BPHL: variants seen among roughly 807,000 people sequenced by gnomAD.
BPHL encodes biphenyl hydrolase like.
In BPHL, 27 loss-of-function variants were observed where a neutral mutation model predicts 31.2. That is an observed-to-expected ratio of 0.87 (90% CI 0.64 to 1.19). The LOEUF (loss-of-function observed/expected upper bound fraction) is 1.19, where lower values mean the gene tolerates loss of function less well. Among genes scored for constraint, BPHL ranks in the 50% most tolerant of loss-of-function variants. BPHL has a pLI of 0.00. For missense variants in BPHL, 356 were observed against 375.7 expected, an observed-to-expected ratio of 0.95 and a Z score of 0.43; for synonymous variants, 150 against 146.8, an observed-to-expected ratio of 1.02 and a Z score of -0.16.
At chr6:3,138,093 A>C in intron 5 of BPHL, 222 of 910,510 alleles carry the variant, frequency 2.4e-4, no homozygotes, top group Non-Finnish European at 3.1e-4. Flanking sequence ...ATCTCAGCTC[A>C]CTGCAATCTC....
In BPHL at chr6:3,125,866, T is replaced by C. The variant is rs1175115031; in HGVS notation, c.212-1376T>C. 3.3e-5 allele frequency among the ~76,000 whole-genome samples: 5 copies of C among 152,230 alleles called. No individual in the cohort carries two copies. In the South Asian group the frequency reaches 6.2e-4, roughly 19 times the overall value. On this transcript the variant is annotated intron_variant, in intron 2 of 6. Coordinates refer to ENST00000380379, the MANE Select transcript of BPHL (RefSeq NM_004332.4). ...CCACCTTGAAAGACATTTTCTAATA[T>C]GGTTTGTCAGGCAAAGTGGTTAGTA...
At chr6:3,152,408 T>G (rs540558543) in intron 6 of BPHL, 80 bp from the exon 7 acceptor site, 5 of 1,205,530 alleles carry the variant, frequency 4.1e-6, no homozygotes, top group South Asian at 4.0e-5. Context: ...TTTAGATGTT[T>G]GTGAAATGTT....
intron 1 of BPHL, among the ~76,000 whole-genome samples, chr6:3,121,795 TG>T (rs1292481121): frequency 6.6e-6 from 1 of 152,230 alleles, no homozygotes; most frequent in Non-Finnish European, 1.5e-5. Flanking sequence ...TACCCAATTC[TG>T]TCTTTTATTT....
At chr6:3,131,373 T>C (rs1761862685) in intron 4 of BPHL, among the ~76,000 whole-genome samples, 1 of 152,120 alleles carries the variant, frequency 6.6e-6, no homozygotes, top group South Asian at 2.1e-4. Context: ...CCCAGATGCA[T>C]CCCTCGAGGG....
rs150831926 is a variant in BPHL, at chr6:3,140,758, A to T, written c.788+249A>T. Reference sequence around the variant, plus strand: ...GCTCTTACTTTCATGAGTGGCAAACATGCTCATAGGTGCTAAGCCCTGTCA... The same window carrying T: ...GCTCTTACTTTCATGAGTGGCAAACTTGCTCATAGGTGCTAAGCCCTGTCA... On this transcript the variant is annotated intron_variant, in intron 6 of 6. Transcript: ENST00000380379. The surrounding 1 kb of genome is among the most constrained non-coding windows in gnomAD (Gnocchi z 5.2). 1.7e-3 allele frequency among the ~76,000 whole-genome samples: 260 copies of T among 152,350 alleles called. 1 individual carries two copies. Among genetic ancestry groups the T allele is most frequent in the African/African-American group, 5.9e-3 (247 of 41,584 alleles).
At chr6:3,150,644 G>A (rs1490204020) in intron 6 of BPHL, among the ~76,000 whole-genome samples, 1 of 152,200 alleles carries the variant, frequency 6.6e-6, no homozygotes, top group Non-Finnish European at 1.5e-5. Context: ...CAGAGCATGT[G>A]ATTAGATCTT....
chr6:3,138,089 G>A (rs573550165), intron 5 of BPHL: 1 of 936,720 alleles, frequency 1.1e-6, no homozygotes, highest in Non-Finnish European at 1.5e-6. Flanking sequence ...CATGATCTCA[G>A]CTCACTGCAA....
chr6:3,151,183 G>A (rs1439558091), intron 6 of BPHL, among the ~76,000 whole-genome samples: 1 of 152,064 alleles, frequency 6.6e-6, no homozygotes, highest in East Asian at 1.9e-4. Flanking sequence ...GCCTATACGT[G>A]ACCTTCTATG....
At position 3,152,813 on chromosome 6, in the gene BPHL, G is replaced by T; in HGVS notation, c.*238G>T. On this transcript the variant is annotated 3_prime_UTR_variant, in exon 7 of 7. Coordinates refer to ENST00000380379, the MANE Select transcript of BPHL (RefSeq NM_004332.4). ...AGGCTGAGGTGGGAGAATTGCCTGA[G>T]CCCAGGAGTTCAAGACCAGCTTGTG... The T allele has an allele frequency of 2.6e-6, 1 of 380,566 alleles. No individual in the cohort carries two copies. Among genetic ancestry groups the T allele is most frequent in the Non-Finnish European group, 4.7e-6 (1 of 211,342 alleles). 23.6% of individuals were successfully genotyped at this position (380,566 alleles called of 1,614,324 possible). A position where few individuals can be genotyped will look rare whatever the true frequency, so the allele number is the denominator to read the frequency against.
intron 4 of BPHL, among the ~76,000 whole-genome samples, chr6:3,130,348 A>T (rs1761838596): frequency 6.6e-6 from 1 of 152,200 alleles, no homozygotes; most frequent in Admixed American, 6.5e-5. Context: ...AATTTCAGTC[A>T]GCAACTCAGG....
intron 4 of BPHL, among the ~76,000 whole-genome samples, chr6:3,133,048 C>T (rs923618194): frequency 1.3e-5 from 2 of 152,156 alleles, no homozygotes; most frequent in African/African-American, 4.8e-5. Context: ...TACTCTTTCT[C>T]CCTGAAAATA....
rs927665276 is a variant in BPHL at position 3,153,064 on chromosome 6, G to A, written c.*489G>A. On this transcript the variant is annotated 3_prime_UTR_variant, in exon 7 of 7. Transcript: ENST00000380379. ...AAAAACATAAAAAAAAATAAAAAAGGAATAAAGCCTCTAACTTCAATAGCT... is the reference window on the plus strand; with the variant it reads ...AAAAACATAAAAAAAAATAAAAAAGAAATAAAGCCTCTAACTTCAATAGCT... The A allele has an allele frequency of 1.3e-5, 2 of 151,972 alleles. No individual in the cohort carries two copies. The highest frequency in any genetic ancestry group is 2.9e-5 in the Non-Finnish European group (2 of 68,030). 9.4% of individuals were successfully genotyped at this position (151,972 alleles called of 1,614,324 possible).
chr6:3,135,012 C>A (rs1464757044), intron 4 of BPHL, among the ~76,000 whole-genome samples: 1 of 152,222 alleles, frequency 6.6e-6, no homozygotes, highest in African/African-American at 2.4e-5. Flanking sequence ...GCTGGGATTA[C>A]AGGTGTGAGC....
chr6:3,134,603 A>AT (rs556567574), intron 4 of BPHL, among the ~76,000 whole-genome samples: 10,661 of 127,590 alleles, frequency 0.084, 1,278 homozygotes, highest in African/African-American at 0.25. Flanking sequence ...CACCTGGCTA[A>AT]TTTTTTTTTT....
chr6:3,127,161 A>T, intron 2 of BPHL, 81 bp from the exon 3 acceptor site: 1 of 1,003,628 alleles, frequency 1.0e-6, no homozygotes, highest in Non-Finnish European at 1.4e-6. Flanking sequence ...TGCTTTTAAG[A>T]TTGTTATTGC....
chr6:3,122,742 CACAG>C (rs1761610768), intron 1 of BPHL, among the ~76,000 whole-genome samples: 1 of 151,354 alleles, frequency 6.6e-6, no homozygotes, highest in Admixed American at 6.5e-5. Flanking sequence ...TAGCAGTTGA[CACAG>C]ACATATTTTA....
rs1175439766 is a variant in BPHL at position 3,140,313 on chromosome 6, G to A, written c.665-73G>A. On this transcript the variant is annotated intron_variant, in intron 5 of 6. Transcript: ENST00000380379. The surrounding 1 kb of genome is among the most constrained non-coding windows in gnomAD (Gnocchi z 5.2). Reference sequence around the variant, plus strand: ...TGAGGGCCAAGGAGGGGCAGGGCTCGCCGAGTTTCGCCTCCTCTGACCGCG... The same window carrying A: ...TGAGGGCCAAGGAGGGGCAGGGCTCACCGAGTTTCGCCTCCTCTGACCGCG... 1.1e-5 allele frequency: 18 copies of A among 1,571,612 alleles called. No homozygotes were observed. The highest frequency in any genetic ancestry group is 2.7e-5 in the African/African-American group (2 of 73,692).
intron 5 of BPHL, among the ~76,000 whole-genome samples, chr6:3,137,741 CT>C (rs1481287643): frequency 6.6e-6 from 1 of 152,182 alleles, no homozygotes; most frequent in Non-Finnish European, 1.5e-5. Context: ...GCAGACTGCT[CT>C]TTTTTCCTTC....
At chr6:3,133,937 C>A (rs780947948) in intron 4 of BPHL, among the ~76,000 whole-genome samples, 1 of 152,166 alleles carries the variant, frequency 6.6e-6, no homozygotes, top group Admixed American at 6.5e-5. Context: ...CTTCCACCAG[C>A]AATAGATGAG....
Sources: gnomAD v4.1 joint callset for allele counts (sites outside exome capture counted in the v4.1 genomes callset) on GRCh38, gnomAD v4.1.1 for gene constraint, Gnocchi (gnomAD v3.1) non-coding constraint, MANE v1.5 for transcripts, NCBI Gene and HGNC (gene_info 2026-07-23, HGNC 2026-07-21) for gene names.